CCSER1: variants seen among roughly 807,000 people sequenced by gnomAD.
CCSER1 encodes coiled-coil serine rich protein 1, also known as serine-rich coiled-coil domain-containing protein 1.
CCSER1 carries 41 observed loss-of-function variants against 82.0 expected under a neutral mutation model. The observed-to-expected ratio is 0.50, with a 90% CI of 0.39 to 0.65. The LOEUF (loss-of-function observed/expected upper bound fraction) is 0.65. Ranked by LOEUF, CCSER1 falls within the 30% of genes least tolerant of loss-of-function variation. The probability of loss-of-function intolerance (pLI) is 0.00; values close to 1 mark genes in which losing one functional copy is unlikely to be tolerated. For missense variants in CCSER1, 1,119 were observed against 1,064.2 expected, an observed-to-expected ratio of 1.05 and a Z score of -0.72; for synonymous variants, 414 against 383.9, an observed-to-expected ratio of 1.08 and a Z score of -0.92.
At chr4:90,525,310 G>A (rs908253798) in intron 5 of CCSER1, among the ~76,000 whole-genome samples, 3 of 151,996 alleles carry the variant, frequency 2.0e-5, no homozygotes, top group Non-Finnish European at 2.9e-5. Context: ...TAATATAAAC[G>A]ATAGCCAAAT....
intron 3 of CCSER1, among the ~76,000 whole-genome samples, chr4:90,377,773 A>T (rs531863697): frequency 6.6e-6 from 1 of 152,256 alleles, no homozygotes; most frequent in East Asian, 1.9e-4. Flanking sequence ...TATAACTGAG[A>T]TGAGCATTTT....
At chr4:90,702,322 C>A (rs1738325116) in intron 6 of CCSER1, among the ~76,000 whole-genome samples, 1 of 152,052 alleles carries the variant, frequency 6.6e-6, no homozygotes, top group Admixed American at 6.6e-5. Flanking sequence ...GGGATGAAGC[C>A]CACTTGATCA....
At chr4:91,099,558 T>TG (rs1410512457) in intron 10 of CCSER1, among the ~76,000 whole-genome samples, 1 of 152,112 alleles carries the variant, frequency 6.6e-6, no homozygotes, top group Non-Finnish European at 1.5e-5. Context: ...CCAAGGTAGT[T>TG]GGGGCGCAGC....
chr4:90,153,587 G>C (rs1042452021), intron 1 of CCSER1, among the ~76,000 whole-genome samples: 17 of 152,016 alleles, frequency 1.1e-4, no homozygotes, highest in African/African-American at 4.1e-4. Flanking sequence ...TCTAACTGGT[G>C]TGAGATGGTA....
chr4:90,804,366 A>G (rs1266119159), intron 7 of CCSER1, among the ~76,000 whole-genome samples: 1 of 151,430 alleles, frequency 6.6e-6, no homozygotes, highest in African/African-American at 2.4e-5. Context: ...TAAGTCTTTG[A>G]TACATCTTGA....
intron 8 of CCSER1, among the ~76,000 whole-genome samples, chr4:90,847,596 C>T (rs947631033): frequency 2.0e-5 from 3 of 152,138 alleles, no homozygotes; most frequent in Non-Finnish European, 4.4e-5. Flanking sequence ...TCACCAGACT[C>T]ATCTTTGTTA....
At position 90,188,218 on chromosome 4, in the gene CCSER1, A is replaced by G. The variant is rs567385622; in HGVS notation, c.-42+60387A>G. 1.5e-3 allele frequency among the ~76,000 whole-genome samples: 221 copies of G among 151,990 alleles called. 2 individuals carry two copies. The highest frequency in any genetic ancestry group is 5.1e-3 in the African/African-American group (213 of 41,508). On this transcript the variant is annotated intron_variant, in intron 1 of 10. Coordinates refer to ENST00000509176, the MANE Select transcript of CCSER1 (RefSeq NM_001145065.2). ...TTATGAGGTATGGGCACTAATGTAT[A>G]TTCCTCTAGGGTATCTTTTAATTTT...
chr4:91,115,092 G>A (rs1726431599), intron 10 of CCSER1, among the ~76,000 whole-genome samples: 1 of 152,072 alleles, frequency 6.6e-6, no homozygotes, highest in South Asian at 2.1e-4. Flanking sequence ...TATTAAATAT[G>A]TATAAATAAT....
chr4:90,135,750 G>A (rs903148173), intron 1 of CCSER1, among the ~76,000 whole-genome samples: 4 of 152,170 alleles, frequency 2.6e-5, no homozygotes, highest in Non-Finnish European at 5.9e-5. Flanking sequence ...TAGAAAGATA[G>A]TCATGCATCA....
chr4:90,917,621 C>G (rs1001278935), intron 8 of CCSER1, among the ~76,000 whole-genome samples: 7 of 151,956 alleles, frequency 4.6e-5, no homozygotes, highest in Non-Finnish European at 7.4e-5. Flanking sequence ...ATGTAACAAA[C>G]CTGCACTTTG....
chr4:91,162,992 C>T (rs1412998059), intron 10 of CCSER1, among the ~76,000 whole-genome samples: 3 of 152,078 alleles, frequency 2.0e-5, no homozygotes, highest in Admixed American at 2.0e-4. Flanking sequence ...TGTGTTTGCT[C>T]TTGCCTCTCT....
chr4:91,244,214 G>C (rs185258973), intron 10 of CCSER1, among the ~76,000 whole-genome samples: 1 of 152,226 alleles, frequency 6.6e-6, no homozygotes, highest in African/African-American at 2.4e-5. Context: ...GAAGGACTTC[G>C]TATTGTAGTG....
chr4:90,385,591 C>T (rs1376237774), intron 3 of CCSER1, among the ~76,000 whole-genome samples: 1 of 151,356 alleles, frequency 6.6e-6, no homozygotes, highest in Non-Finnish European at 1.5e-5. Flanking sequence ...TCCCGAGTAG[C>T]TAGGACTACA....
chr4:91,008,639 G>T (rs974910012), intron 9 of CCSER1, among the ~76,000 whole-genome samples: 1 of 152,056 alleles, frequency 6.6e-6, no homozygotes, highest in East Asian at 1.9e-4. Context: ...GTTTGATCTT[G>T]TTTTTTTAAT....
At chr4:90,344,557 C>A (rs771076379) in intron 3 of CCSER1, among the ~76,000 whole-genome samples, 1 of 152,176 alleles carries the variant, frequency 6.6e-6, no homozygotes. Flanking sequence ...ATCGGAAATG[C>A]ATTTAGTACC....
intron 3 of CCSER1, among the ~76,000 whole-genome samples, chr4:90,389,885 C>T (rs1411596970): frequency 6.6e-6 from 1 of 152,084 alleles, no homozygotes; most frequent in Non-Finnish European, 1.5e-5. Flanking sequence ...TGGTCTCCAA[C>T]TCTTGGCCTT....
chr4:91,287,697 G>A (rs1743390216), intron 10 of CCSER1, among the ~76,000 whole-genome samples: 1 of 151,928 alleles, frequency 6.6e-6, no homozygotes, highest in African/African-American at 2.4e-5. Flanking sequence ...GATTAAAGAA[G>A]CTCTAATCTT....
At chr4:90,359,745 T>A (rs1421327480) in intron 3 of CCSER1, among the ~76,000 whole-genome samples, 2 of 143,294 alleles carry the variant, frequency 1.4e-5, no homozygotes, top group Non-Finnish European at 1.6e-5. Flanking sequence ...TCAAAAAAAA[T>A]AAAAATAAAT....
chr4:91,191,940 A>T (rs938760271), intron 10 of CCSER1, among the ~76,000 whole-genome samples: 27 of 152,170 alleles, frequency 1.8e-4, no homozygotes, highest in Non-Finnish European at 3.8e-4. Context: ...AATAAGAAAA[A>T]GTAGCCTATT....
Sources: allele counts gnomAD v4.1 joint callset (sites outside exome capture counted in the v4.1 genomes callset), GRCh38; gene constraint gnomAD v4.1.1; transcripts MANE v1.5; gene names NCBI Gene and HGNC (gene_info 2026-07-23, HGNC 2026-07-21).